The following CNTN6 variants were observed in gnomAD, a reference collection of about 807,000 sequenced individuals.
The protein encoded by CNTN6 is contactin-6.
A neutral mutation model predicts 122.8 loss-of-function variants in CNTN6; 137 were observed. That is an observed-to-expected ratio of 1.12 (90% CI 0.97 to 1.29). The LOEUF (loss-of-function observed/expected upper bound fraction) is 1.29. CNTN6 is among the 50% of genes most tolerant of loss of function. CNTN6 has a pLI of 0.00. For missense variants in CNTN6, 1,634 were observed against 1,223.4 expected, an observed-to-expected ratio of 1.34 and a Z score of -5.01; for synonymous variants, 570 against 426.0, an observed-to-expected ratio of 1.34 and a Z score of -4.16.
rs564899680 is a variant in CNTN6 at position 1,140,842 on chromosome 3, AAC to A, written c.-82-7082_-82-7081del. On this transcript the variant is annotated intron_variant, in intron 1 of 22. Transcript: ENST00000446702. The stretch of plus-strand genomic sequence containing the variant: ...TACTGCTTCTTCTATGATCACATTA[AAC>A]ACGCTGTGTTACGTCTTTCTACTAA... 4.6e-5 allele frequency among the ~76,000 whole-genome samples: 7 copies of A among 152,328 alleles called. No individual in the cohort carries two copies. The South Asian group carries it at 1.0e-3, about 23-fold the overall frequency.
At chr3:1,247,701 C>T (rs1575412564) in intron 4 of CNTN6, among the ~76,000 whole-genome samples, 1 of 152,166 alleles carries the variant, frequency 6.6e-6, no homozygotes, top group Admixed American at 6.5e-5. Flanking sequence ...CTCCTGTGAA[C>T]CTGCATCAAG....
chr3:1,127,088 T>C (rs114140971), intron 1 of CNTN6, among the ~76,000 whole-genome samples: 1 of 151,556 alleles, frequency 6.6e-6, no homozygotes, highest in Admixed American at 6.6e-5. Flanking sequence ...ATTTTATATG[T>C]GCTATATATA....
chr3:1,261,195 G>A (rs1244447828), intron 4 of CNTN6, among the ~76,000 whole-genome samples: 2 of 152,120 alleles, frequency 1.3e-5, no homozygotes, highest in Admixed American at 6.5e-5. Flanking sequence ...TCCTTTAAAT[G>A]TCTACAGCAC....
At chr3:1,185,112 T>C (rs1199837511) in intron 2 of CNTN6, among the ~76,000 whole-genome samples, 1 of 152,156 alleles carries the variant, frequency 6.6e-6, no homozygotes, top group Admixed American at 6.5e-5. Flanking sequence ...ATTTCTAAAA[T>C]TTGTGAAATA....
At chr3:1,367,148 C>T (rs1012992533) in intron 12 of CNTN6, among the ~76,000 whole-genome samples, 9 of 152,048 alleles carry the variant, frequency 5.9e-5, no homozygotes, top group Non-Finnish European at 1.2e-4. Context: ...CACTTCACAT[C>T]CTATCATTTT....
chr3:1,381,752 TC>T (rs1157501908), intron 17 of CNTN6, among the ~76,000 whole-genome samples: 1 of 152,174 alleles, frequency 6.6e-6, no homozygotes, highest in Admixed American at 6.6e-5. Context: ...GCCTCACTGT[TC>T]CTGCTACTCC....
chr3:1,257,533 A>T (rs13065172), intron 4 of CNTN6, among the ~76,000 whole-genome samples: 53,657 of 151,850 alleles, frequency 0.35, 10,383 homozygotes, highest in East Asian at 0.67. Flanking sequence ...TAAACACCCA[A>T]CCTTGCTTCC....
intron 17 of CNTN6, 146 bp downstream of exon 17, chr3:1,377,221 T>C (rs2126157029): frequency 3.8e-6 from 2 of 529,912 alleles, no homozygotes; most frequent in Non-Finnish European, 6.5e-6. Context: ...GATGAATTAT[T>C]TAGAGGAGGT....
At chr3:1,366,381 G>A (rs780996820) in intron 12 of CNTN6, among the ~76,000 whole-genome samples, 9 of 151,968 alleles carry the variant, frequency 5.9e-5, no homozygotes, top group Non-Finnish European at 1.2e-4. Context: ...CATAAATACC[G>A]AGAAGTGTTT....
At chr3:1,132,039 G>T (rs529147000) in intron 1 of CNTN6, among the ~76,000 whole-genome samples, 1 of 152,192 alleles carries the variant, frequency 6.6e-6, no homozygotes, top group South Asian at 2.1e-4. Context: ...AATTTGGAAA[G>T]AAAAGATATA....
intron 1 of CNTN6, among the ~76,000 whole-genome samples, chr3:1,108,673 T>C (rs2091340898): frequency 6.6e-6 from 1 of 152,096 alleles, no homozygotes; most frequent in African/African-American, 2.4e-5. Flanking sequence ...AAGGAGTCTT[T>C]GCCAGATTTG....
intron 5 of CNTN6, among the ~76,000 whole-genome samples, chr3:1,289,119 A>G (rs1179099313): frequency 2.0e-5 from 3 of 152,210 alleles, no homozygotes; most frequent in African/African-American, 7.2e-5. Context: ...TGGCTCATGA[A>G]TTATACATTT....
Position 1,228,388 on chromosome 3 carries a change from G to A in CNTN6, c.358+395G>A, listed in dbSNP as rs375925233. 6.6e-4 allele frequency among the ~76,000 whole-genome samples: 101 copies of A among 152,208 alleles called. 1 individual carries two copies. The South Asian group carries it at 0.011, about 17-fold the overall frequency. ...GAGAGGTCATCTGGGGGAGGTGGGCGTTCTCCCAAGAAAAGCGATCATGCA... is the reference window on the plus strand; with the variant it reads ...GAGAGGTCATCTGGGGGAGGTGGGCATTCTCCCAAGAAAAGCGATCATGCA... On this transcript the variant is annotated intron_variant, in intron 4 of 22. Coordinates refer to ENST00000446702, the MANE Select transcript of CNTN6 (RefSeq NM_001289080.2).
chr3:1,392,104 T>G (rs1471291360), intron 20 of CNTN6, among the ~76,000 whole-genome samples: 1 of 120,558 alleles, frequency 8.3e-6, no homozygotes, highest in African/African-American at 3.1e-5. Flanking sequence ...CCAAGTCAAT[T>G]CTAAGCCAAA....
chr3:1,245,007 G>A (rs377168413), intron 4 of CNTN6, among the ~76,000 whole-genome samples: 1 of 149,422 alleles, frequency 6.7e-6, no homozygotes, highest in African/African-American at 2.5e-5. Context: ...TTCTTTTGTG[G>A]ATCTTCAGTT....
chr3:1,245,227 T>TACACACAC (rs1386435029), intron 4 of CNTN6, among the ~76,000 whole-genome samples: 4 of 12,528 alleles, frequency 3.2e-4, no homozygotes, highest in Non-Finnish European at 4.4e-4. Flanking sequence ...TATATATATA[T>TACACACAC]ATATATATAC....
At chr3:1,204,437 T>A (rs2093929595) in intron 2 of CNTN6, among the ~76,000 whole-genome samples, 1 of 152,204 alleles carries the variant, frequency 6.6e-6, no homozygotes, top group African/African-American at 2.4e-5. Flanking sequence ...CCTGCTTAGT[T>A]GGTCCCTCAG....
intron 4 of CNTN6, among the ~76,000 whole-genome samples, chr3:1,232,486 C>T (rs113602560): frequency 4.6e-4 from 70 of 152,310 alleles, no homozygotes; most frequent in African/African-American, 1.7e-3. Flanking sequence ...AAGGAAAGTG[C>T]TAACGCCTAC....
At chr3:1,106,001 A>G (rs999685517) in intron 1 of CNTN6, among the ~76,000 whole-genome samples, 1 of 152,154 alleles carries the variant, frequency 6.6e-6, no homozygotes, top group African/African-American at 2.4e-5. Context: ...CCACTCCATG[A>G]TGAAGCAGTC....
Sources: gnomAD v4.1 joint callset for allele counts (sites outside exome capture counted in the v4.1 genomes callset) on GRCh38, gnomAD v4.1.1 for gene constraint, MANE v1.5 for transcripts, NCBI Gene and HGNC (gene_info 2026-07-23, HGNC 2026-07-21) for gene names.